PCSK6: variants seen among roughly 807,000 people sequenced by gnomAD.
The protein encoded by PCSK6 is proprotein convertase subtilisin/kexin type 6.
In PCSK6, 85 loss-of-function variants were observed where a neutral mutation model predicts 123.3. The observed-to-expected ratio is 0.69, with a 90% CI of 0.58 to 0.83. PCSK6 has a LOEUF of 0.83. Ranked by LOEUF, PCSK6 falls within the 40% of genes least tolerant of loss-of-function variation. PCSK6 has a pLI of 0.00. For missense variants in PCSK6, 1,191 were observed against 1,282.3 expected (o/e 0.93, Z 1.09); for synonymous variants, 508 against 516.0 (o/e 0.98, Z 0.21).
At chr15:101,416,425 T>C (rs554877800) in intron 6 of PCSK6, among the ~76,000 whole-genome samples, 1 of 152,326 alleles carries the variant, frequency 6.6e-6, no homozygotes, top group East Asian at 1.9e-4. Flanking sequence ...AAGCAGAGCA[T>C]AAAAGTTCAG....
chr15:101,408,749 T>C (rs1285114186), intron 6 of PCSK6, among the ~76,000 whole-genome samples: 1 of 152,198 alleles, frequency 6.6e-6, no homozygotes, highest in Non-Finnish European at 1.5e-5. Flanking sequence ...GCTTAAACTG[T>C]TCTCTTAAAA....
chr15:101,489,295 A>T, intron 1 of PCSK6, 79 bp downstream of exon 1: 1 of 890,988 alleles, frequency 1.1e-6, no homozygotes, highest in Non-Finnish European at 1.4e-6. Context: ...CCGGGCGGAC[A>T]GGACTGCGGA....
At chr15:101,484,989 G>C (rs1596183662) in intron 1 of PCSK6, among the ~76,000 whole-genome samples, 1 of 152,312 alleles carries the variant, frequency 6.6e-6, no homozygotes, top group East Asian at 1.9e-4. Context: ...CTGTGGACTA[G>C]CAAGTCCAGC....
At position 101,398,027 on chromosome 15, in the gene PCSK6, G is replaced by T. The variant is rs540444727; in HGVS notation, c.996+377C>A. 6.6e-6 allele frequency among the ~76,000 whole-genome samples: 1 copy of T among 152,198 alleles called. No individual in the cohort carries two copies. The highest frequency in any genetic ancestry group is 2.4e-5 in the African/African-American group (1 of 41,460). On this transcript the variant is annotated intron_variant, in intron 7 of 21. Coordinates refer to ENST00000611716, the MANE Select transcript of PCSK6 (RefSeq NM_002570.5). This position sits in a 1 kb window ranked among gnomAD's most constrained non-coding sequence, Gnocchi z 4.6. The stretch of plus-strand genomic sequence containing the variant: ...GTTCCACAGCTGGGTGTTTCTAAGG[G>T]CAGGTGGGCCGAGGCCCCTGCAGAG...
intron 1 of PCSK6, among the ~76,000 whole-genome samples, chr15:101,478,022 T>A (rs1337390810): frequency 1.3e-5 from 2 of 152,168 alleles, no homozygotes; most frequent in Non-Finnish European, 2.9e-5. Context: ...CTGCCTGGAC[T>A]GCACCCCTCT....
At chr15:101,449,909 T>C (rs72772647) in intron 1 of PCSK6, among the ~76,000 whole-genome samples, 20,280 of 152,126 alleles carry the variant, frequency 0.13, 1,497 homozygotes, top group East Asian at 0.23. Context: ...GGCCCCATAA[T>C]GGCTGAGTCC....
chr15:101,323,205 T>G (rs2040170710), intron 17 of PCSK6, among the ~76,000 whole-genome samples: 1 of 152,194 alleles, frequency 6.6e-6, no homozygotes, highest in South Asian at 2.1e-4. Flanking sequence ...AGCTAACAGC[T>G]GCTTGCCACA....
At chr15:101,438,650 G>A (rs776747157) in intron 2 of PCSK6, among the ~76,000 whole-genome samples, 1 of 152,270 alleles carries the variant, frequency 6.6e-6, no homozygotes, top group Non-Finnish European at 1.5e-5. Context: ...AACACTGAAC[G>A]CCCTCCCAAG....
intron 13 of PCSK6, among the ~76,000 whole-genome samples, chr15:101,351,936 C>A (rs1424367372): frequency 1.3e-5 from 2 of 152,044 alleles, no homozygotes; most frequent in Non-Finnish European, 2.9e-5. Flanking sequence ...CACAGCACGG[C>A]CTCTCATTTA....
intron 20 of PCSK6, chr15:101,312,877 C>T (rs562736983): frequency 2.4e-4 from 56 of 235,838 alleles, no homozygotes; most frequent in African/African-American, 6.3e-4. Flanking sequence ...TTGTGGTGCA[C>T]GCCTGTAGTC....
intron 1 of PCSK6, among the ~76,000 whole-genome samples, chr15:101,450,589 G>C (rs932361533): frequency 1.1e-4 from 17 of 152,182 alleles, no homozygotes; most frequent in African/African-American, 4.1e-4. Flanking sequence ...AGAGGAGCTT[G>C]AAATCTGCCT....
chr15:101,350,744 G>A (rs2040868178), intron 13 of PCSK6, among the ~76,000 whole-genome samples: 1 of 152,162 alleles, frequency 6.6e-6, no homozygotes, highest in Admixed American at 6.5e-5. Context: ...GTGGGGAGCA[G>A]TGCACGTTGA....
At chr15:101,473,099 G>GGC in intron 1 of PCSK6, among the ~76,000 whole-genome samples, 1 of 152,176 alleles carries the variant, frequency 6.6e-6, no homozygotes, top group Non-Finnish European at 1.5e-5. Context: ...TCTAGAGACA[G>GGC]AGTCTCGCTC....
intron 13 of PCSK6, among the ~76,000 whole-genome samples, chr15:101,359,917 C>A (rs2041161237): frequency 6.6e-6 from 1 of 152,242 alleles, no homozygotes; most frequent in African/African-American, 2.4e-5. Context: ...AGGTACATAT[C>A]TCTGCCTGGA....
intron 13 of PCSK6, among the ~76,000 whole-genome samples, chr15:101,335,650 C>T (rs2040461604): frequency 6.6e-6 from 1 of 152,214 alleles, no homozygotes; most frequent in South Asian, 2.1e-4. Flanking sequence ...TCCTTATGAT[C>T]CTTCCATGGC....
intron 6 of PCSK6, among the ~76,000 whole-genome samples, chr15:101,401,778 T>A (rs564140478): frequency 4.6e-5 from 7 of 152,362 alleles, no homozygotes; most frequent in Admixed American, 1.3e-4. Context: ...TTGACCCCAC[T>A]GAGCCTCAGT....
chr15:101,313,563 C>CAG lies in PCSK6; in HGVS notation c.2570-60_2570-59dup. The CAG allele has an allele frequency of 4.5e-6, 7 of 1,548,204 alleles. No individual in the cohort carries two copies. In the South Asian group the frequency reaches 8.5e-5, roughly 19 times the overall value. ...GGATGGCTGGCAGAAGACCATGCCC[C>CAG]AGGCCTGCTTCAGGGCCTTGTGAGA... On this transcript the variant is annotated intron_variant, in intron 19 of 21. Coordinates refer to ENST00000611716, the MANE Select transcript of PCSK6 (RefSeq NM_002570.5).
intron 1 of PCSK6, 145 bp downstream of exon 1, chr15:101,489,229 C>T: frequency 2.6e-6 from 1 of 386,466 alleles, no homozygotes; most frequent in Non-Finnish European, 3.5e-6. Flanking sequence ...GGCGCCCCGG[C>T]CGCCCGCCGT....
At chr15:101,456,761 T>A (rs892368441) in intron 1 of PCSK6, among the ~76,000 whole-genome samples, 4 of 152,076 alleles carry the variant, frequency 2.6e-5, no homozygotes, top group African/African-American at 7.2e-5. Flanking sequence ...CGAGGCAAGA[T>A]GGAGCCGGGG....
Sources: gnomAD v4.1 joint callset for allele counts (sites outside exome capture counted in the v4.1 genomes callset) on GRCh38, gnomAD v4.1.1 for gene constraint, Gnocchi (gnomAD v3.1) non-coding constraint, MANE v1.5 for transcripts, NCBI Gene and HGNC (gene_info 2026-07-23, HGNC 2026-07-21) for gene names.